Variants in NLGN1 observed in about 807,000 individuals in gnomAD.
NLGN1 encodes the protein neuroligin 1.
A neutral mutation model predicts 65.5 loss-of-function variants in NLGN1; 12 were observed. The ratio of observed to expected loss-of-function variants is 0.18; its 90% confidence interval spans 0.12 to 0.30. The LOEUF is 0.30. Ranked by LOEUF, NLGN1 falls within the 10% of genes least tolerant of loss-of-function variation. The probability of loss-of-function intolerance (pLI) is 1.00; values close to 1 mark genes in which losing one functional copy is unlikely to be tolerated. For missense variants in NLGN1, 750 were observed against 1,007.1 expected (o/e 0.74, Z 3.46); for synonymous variants, 350 against 359.5 (o/e 0.97, Z 0.30).
intron 4 of NLGN1, among the ~76,000 whole-genome samples, chr3:174,077,230 A>G (rs1233905247): frequency 2.0e-5 from 3 of 152,108 alleles, no homozygotes; most frequent in Admixed American, 1.3e-4. Context: ...GAGATTATGT[A>G]GAATACATTG....
intron 4 of NLGN1, among the ~76,000 whole-genome samples, chr3:174,091,634 C>T (rs1744541225): frequency 6.6e-6 from 1 of 152,116 alleles, no homozygotes; most frequent in Admixed American, 6.5e-5. Context: ...CATTTATTTT[C>T]CTTCTCAGGA....
intron 2 of NLGN1, among the ~76,000 whole-genome samples, chr3:173,575,335 C>T (rs1191086262): frequency 2.0e-5 from 3 of 152,140 alleles, no homozygotes; most frequent in African/African-American, 7.2e-5. Flanking sequence ...AAAACCAGGA[C>T]AGTTAATTTT....
At chr3:173,807,421 A>C (rs116750790) in intron 3 of NLGN1, among the ~76,000 whole-genome samples, 293 of 152,284 alleles carry the variant, frequency 1.9e-3, no homozygotes, top group African/African-American at 6.7e-3. Context: ...TAAAATTCAC[A>C]TCTAATTTTA....
chr3:173,744,455 G>C (rs1775072585), intron 3 of NLGN1, among the ~76,000 whole-genome samples: 1 of 152,050 alleles, frequency 6.6e-6, no homozygotes, highest in African/African-American at 2.4e-5. Context: ...AGAAAATAGT[G>C]AGACACTCTG....
intron 2 of NLGN1, among the ~76,000 whole-genome samples, chr3:173,464,435 ATTT>A (rs10649807): frequency 7.2e-6 from 1 of 138,594 alleles, no homozygotes; most frequent in Non-Finnish European, 1.5e-5. Context: ...ATCAGTTACA[ATTT>A]TTTTTTTTTT....
intron 2 of NLGN1, among the ~76,000 whole-genome samples, chr3:173,462,705 C>T (rs1249279692): frequency 6.6e-6 from 1 of 152,100 alleles, no homozygotes; most frequent in African/African-American, 2.4e-5. Flanking sequence ...TCTCTACCAT[C>T]ATTTATTTCT....
At chr3:173,481,029 A>G (rs1727193180) in intron 2 of NLGN1, among the ~76,000 whole-genome samples, 1 of 152,066 alleles carries the variant, frequency 6.6e-6, no homozygotes, top group Non-Finnish European at 1.5e-5. Context: ...GCCTTTAGAT[A>G]GATATAATTG....
At chr3:173,572,661 C>T (rs547888041) in intron 2 of NLGN1, among the ~76,000 whole-genome samples, 11 of 152,310 alleles carry the variant, frequency 7.2e-5, no homozygotes, top group Middle Eastern at 6.8e-3. Flanking sequence ...GTTATGATTT[C>T]GAGCCAGTGC....
At chr3:174,029,750 G>A (rs1052329585) in intron 4 of NLGN1, among the ~76,000 whole-genome samples, 6 of 152,156 alleles carry the variant, frequency 3.9e-5, no homozygotes, top group African/African-American at 1.4e-4. Flanking sequence ...AATCATGGGA[G>A]TGGTTTCCCC....
At chr3:174,015,995 C>A (rs774466349) in intron 4 of NLGN1, among the ~76,000 whole-genome samples, 1 of 152,006 alleles carries the variant, frequency 6.6e-6, no homozygotes, top group African/African-American at 2.4e-5. Flanking sequence ...AAGACAAAAG[C>A]AACATTGAAG....
intron 4 of NLGN1, among the ~76,000 whole-genome samples, chr3:173,932,003 TTTTAA>T (rs1396226954): frequency 1.3e-5 from 2 of 152,064 alleles, no homozygotes; most frequent in African/African-American, 2.4e-5. Flanking sequence ...TTTTGTTTTG[TTTTAA>T]TTTTTTTTCT....
At chr3:174,013,744 C>T (rs745868390) in intron 4 of NLGN1, among the ~76,000 whole-genome samples, 1 of 152,188 alleles carries the variant, frequency 6.6e-6, no homozygotes, top group Admixed American at 6.5e-5. Context: ...GACAAGGTCT[C>T]ACTCTGTCAT....
intron 4 of NLGN1, among the ~76,000 whole-genome samples, chr3:174,205,983 C>A (rs578000723): frequency 6.6e-6 from 1 of 152,238 alleles, no homozygotes; most frequent in Admixed American, 6.5e-5. Flanking sequence ...ATATTTTAAT[C>A]AACATAGATG....
chr3:173,870,673 A>G (rs980869266), intron 4 of NLGN1, among the ~76,000 whole-genome samples: 5 of 152,292 alleles, frequency 3.3e-5, no homozygotes, highest in African/African-American at 1.2e-4. Flanking sequence ...TTCTTAATTT[A>G]TATTTGGTGA....
At chr3:173,796,776 C>T (rs1438474104) in intron 3 of NLGN1, among the ~76,000 whole-genome samples, 1 of 152,108 alleles carries the variant, frequency 6.6e-6, no homozygotes, top group Non-Finnish European at 1.5e-5. Context: ...TTAAAAGAAG[C>T]ATAAGCTGTG....
At chr3:173,696,671 T>C (rs1408178528) in intron 3 of NLGN1, among the ~76,000 whole-genome samples, 1 of 152,240 alleles carries the variant, frequency 6.6e-6, no homozygotes, top group Non-Finnish European at 1.5e-5. Flanking sequence ...ACCTTCCTTT[T>C]CTTTCTTTTC....
At chr3:173,448,740 G>T (rs948241337) in intron 2 of NLGN1, among the ~76,000 whole-genome samples, 9 of 152,024 alleles carry the variant, frequency 5.9e-5, no homozygotes, top group Non-Finnish European at 7.4e-5. Context: ...CAATTTCAGA[G>T]CCTGTTATTG....
chr3:173,788,367 T>C (rs1350636545), intron 3 of NLGN1, among the ~76,000 whole-genome samples: 3 of 152,068 alleles, frequency 2.0e-5, no homozygotes, highest in African/African-American at 4.8e-5. Context: ...AAAATATCAA[T>C]TGATTTTCTA....
At chr3:174,101,881 A>G (rs1358509695) in intron 4 of NLGN1, among the ~76,000 whole-genome samples, 1 of 152,188 alleles carries the variant, frequency 6.6e-6, no homozygotes, top group South Asian at 2.1e-4. Context: ...AAGGACAAAG[A>G]AAACAGTGAA....
Sources: gnomAD v4.1 joint callset for allele counts (sites outside exome capture counted in the v4.1 genomes callset) on GRCh38, gnomAD v4.1.1 for gene constraint, MANE v1.5 for transcripts, NCBI Gene and HGNC (gene_info 2026-07-23, HGNC 2026-07-21) for gene names.